Variants in HTT observed in about 807,000 individuals in gnomAD.
HTT encodes huntingtin.
HTT carries 104 observed loss-of-function variants against 362.3 expected under a neutral mutation model. The ratio of observed to expected loss-of-function variants is 0.29; its 90% CI spans 0.24 to 0.34. The LOEUF is 0.34. Among genes scored for constraint, HTT ranks in the 10% least tolerant of loss-of-function variants. The probability of loss-of-function intolerance (pLI) is 1.00; values close to 1 mark genes in which losing one functional copy is unlikely to be tolerated. For synonymous variants in HTT, 1,577 were observed against 1,548.7 expected (o/e 1.02, Z -0.43); for missense variants, 3,301 against 3,928.6 (o/e 0.84, Z 4.27).
At chr4:3,138,093 CTTCCTTCT>C (rs1480315619) in intron 21 of HTT, among the ~76,000 whole-genome samples, 3 of 148,980 alleles carry the variant, frequency 2.0e-5, no homozygotes, top group East Asian at 2.0e-4. Context: ...TCCTTCCTTC[CTTCCTTCT>C]TTCCTTCCTC....
Position 3,131,402 on chromosome 4 carries a change from G to A in HTT, c.2098+5G>A. On this transcript the variant is annotated splice_donor_5th_base_variant and intron_variant, in intron 15 of 66. Coordinates refer to ENST00000355072, the MANE Select transcript of HTT (RefSeq NM_001388492.1). ...TGCTAACAGGGGGAAAAAATGGTGA[G>A]TACAAAAGGGGATGTGCACAGTTGA... The A allele has an allele frequency of 6.3e-7, 1 of 1,599,070 alleles. No individual in the cohort carries two copies. The highest frequency in any genetic ancestry group is 8.6e-7 in the Non-Finnish European group (1 of 1,166,390).
At chr4:3,118,727 G>T (rs1352377866) in intron 8 of HTT, among the ~76,000 whole-genome samples, 2 of 151,636 alleles carry the variant, frequency 1.3e-5, no homozygotes, top group African/African-American at 4.8e-5. Flanking sequence ...GGGTGAAGGG[G>T]AAAAAAGGGT....
In HTT at chr4:3,241,358, C is replaced by T. The variant is rs1196976516; in HGVS notation, c.*1299C>T. 1 of 152,446 alleles carries T rather than the reference C, an allele frequency of 6.6e-6. No individual in the cohort carries two copies. Among genetic ancestry groups the T allele is most frequent in the African/African-American group, 2.4e-5 (1 of 41,478 alleles). The allele number at this position is 152,446 out of a possible 1,614,324, so 9.4% of individuals were successfully genotyped here. The stretch of plus-strand genomic sequence containing the variant: ...CACGGCCCTGTCAGAGCCGCCACTC[C>T]TATCCCCAGGCCAGGTCCCTGGACC... On this transcript the variant is annotated 3_prime_UTR_variant, in exon 67 of 67. Coordinates refer to ENST00000355072, the MANE Select transcript of HTT (RefSeq NM_001388492.1).
chr4:3,151,940 T>A (rs928819671), intron 26 of HTT, among the ~76,000 whole-genome samples: 1 of 152,124 alleles, frequency 6.6e-6, no homozygotes, highest in Admixed American at 6.5e-5. Flanking sequence ...TTAATTTAAT[T>A]TTTTTGAGAT....
Position 3,132,698 on chromosome 4 carries a change from G to A in HTT, c.2373G>A (p.Met791Ile). 6.2e-7 allele frequency: 1 copy of A among 1,614,198 alleles called. No homozygotes were observed. The highest frequency in any genetic ancestry group is 8.5e-7 in the Non-Finnish European group (1 of 1,180,028). ...SRSRFHVGDW[M>I]GTIRTLTGNT... ...CCCGCTTCCACGTGGGAGATTGGAT[G>A]GGCACCATTAGAACCCTCACAGGTA... The change falls in exon 17 of 67, where the codon ATG becomes ATA. Residue 791 changes from methionine (M) to isoleucine (I), a missense_variant. Met to Ile is a conservative substitution (Grantham distance 10). This residue lies in a region of HTT where 2,316 missense variants were observed against 2,658.5 expected (regional missense o/e 0.87). Coordinates refer to ENST00000355072, the MANE Select transcript of HTT (RefSeq NM_001388492.1).
intron 41 of HTT, among the ~76,000 whole-genome samples, chr4:3,201,927 G>A (rs1337850947): frequency 6.6e-6 from 1 of 152,126 alleles, no homozygotes. Flanking sequence ...AGAAATTCCT[G>A]CTGCTTACTC....
chr4:3,144,243 G>A (rs1253104449), intron 23 of HTT, among the ~76,000 whole-genome samples: 1 of 152,070 alleles, frequency 6.6e-6, no homozygotes, highest in African/African-American at 2.4e-5. Flanking sequence ...TCTAAAATGA[G>A]CAAGTATAAC....
intron 53 of HTT, among the ~76,000 whole-genome samples, chr4:3,220,991 A>G (rs1034794824): frequency 9.9e-5 from 15 of 152,232 alleles, no homozygotes; most frequent in African/African-American, 3.4e-4. Flanking sequence ...GTCTAAATGA[A>G]TAAGTCACCA....
chr4:3,140,435 G>T, intron 21 of HTT, 75 bp from the exon 22 acceptor site: 1 of 1,341,236 alleles, frequency 7.5e-7, no homozygotes, highest in Non-Finnish European at 1.1e-6. Context: ...TTAGCCATCT[G>T]CAGGGAGGAG....
At chr4:3,140,164 G>A (rs1431075896) in intron 21 of HTT, among the ~76,000 whole-genome samples, 3 of 152,028 alleles carry the variant, frequency 2.0e-5, no homozygotes, top group Non-Finnish European at 2.9e-5. Flanking sequence ...AGGAGGCTGA[G>A]GCAGGAGAAT....
chr4:3,088,569 A>G (rs1713336417), intron 2 of HTT, among the ~76,000 whole-genome samples: 2 of 152,294 alleles, frequency 1.3e-5, no homozygotes, highest in African/African-American at 4.8e-5. Context: ...GTAATGTTGT[A>G]CAGCCATCAC....
chr4:3,123,039 C>G (rs1264408161), intron 10 of HTT, 103 bp downstream of exon 10: 3 of 773,566 alleles, frequency 3.9e-6, no homozygotes, highest in East Asian at 5.3e-5. Flanking sequence ...GTATTGGACT[C>G]TGTGTATATC....
chr4:3,140,072 C>G (rs934339237), intron 21 of HTT, among the ~76,000 whole-genome samples: 11 of 151,978 alleles, frequency 7.2e-5, no homozygotes, highest in African/African-American at 2.7e-4. Flanking sequence ...AACAGCCTGG[C>G]CAAGGTGATG....
chr4:3,176,025 GTTTTT>G (rs777646822), intron 33 of HTT, among the ~76,000 whole-genome samples: 3 of 139,130 alleles, frequency 2.2e-5, no homozygotes, highest in African/African-American at 8.9e-5. Context: ...GTTGTTGTTT[GTTTTT>G]TTTTGTTTTT....
intron 57 of HTT, 103 bp downstream of exon 57, chr4:3,225,846 A>T: frequency 1.3e-6 from 1 of 763,660 alleles, no homozygotes; most frequent in Admixed American, 3.2e-5. Flanking sequence ...TTTAAATGAA[A>T]GGAAGTTTTC....
intron 63 of HTT, 41 bp from the exon 64 acceptor site, chr4:3,236,108 T>A (rs764009775): frequency 7.2e-7 from 1 of 1,383,752 alleles, no homozygotes; most frequent in Non-Finnish European, 1.0e-6. Flanking sequence ...GCCTATTGGG[T>A]TGTATAGAGG....
In HTT at chr4:3,195,224, G is replaced by A. The variant is rs1290290908; in HGVS notation, c.5369-4508G>A. Among the ~76,000 whole-genome samples, 5 of 152,092 alleles carry A rather than the reference G, an allele frequency of 3.3e-5. No homozygotes were observed. In the East Asian group the frequency reaches 9.6e-4, roughly 29 times the overall value. On this transcript the variant is annotated intron_variant, in intron 40 of 66. Transcript: ENST00000355072. ...CCAGCCCAGAGAGGTTTCTGCCCTA[G>A]GAGCTCTCGATGGTGGAATTGGGAT...
At chr4:3,140,484 G>A (rs763310392) in intron 21 of HTT, 26 bp from the exon 22 acceptor site, 234 of 1,611,938 alleles carry the variant, frequency 1.5e-4, no homozygotes, top group Non-Finnish European at 1.9e-4. Flanking sequence ...ACTTTCTTAA[G>A]CAAATTAACC....
At chr4:3,175,639 C>A (rs983868534) in intron 33 of HTT, among the ~76,000 whole-genome samples, 2 of 152,196 alleles carry the variant, frequency 1.3e-5, no homozygotes, top group African/African-American at 4.8e-5. Context: ...TTGCACGCTT[C>A]CCCTCTTGAC....
Sources: gnomAD v4.1 joint callset for allele counts (sites outside exome capture counted in the v4.1 genomes callset) on GRCh38, gnomAD v4.1.1 for gene constraint, gnomAD v4.1.1 regional missense constraint, MANE v1.5 for transcripts, NCBI Gene and HGNC (gene_info 2026-07-23, HGNC 2026-07-21) for gene names.